Variants in BRD4 observed in about 807,000 individuals in gnomAD.
The protein encoded by BRD4 is bromodomain containing 4.
A neutral mutation model predicts 142.1 loss-of-function variants in BRD4; 16 were observed. That is an observed-to-expected ratio of 0.11 (90% CI 0.08 to 0.17). The LOEUF (loss-of-function observed/expected upper bound fraction) is 0.17, where lower values mean the gene tolerates loss of function less well. Ranked by LOEUF, BRD4 falls within the 10% of genes least tolerant of loss-of-function variation. The probability of loss-of-function intolerance (pLI) is 1.00; values close to 1 mark genes in which losing one functional copy is unlikely to be tolerated. For synonymous variants in BRD4, 833 were observed against 707.5 expected (o/e 1.18, Z -2.82); for missense variants, 1,424 against 1,810.9 (o/e 0.79, Z 3.88).
Position 15,238,481 on chromosome 19 carries a change from A to T in BRD4, c.4021-36T>A. 2.5e-6 allele frequency: 4 copies of T among 1,613,316 alleles called. No homozygotes were observed. The highest frequency in any genetic ancestry group is 3.4e-6 in the Non-Finnish European group (4 of 1,179,764). On this transcript the variant is annotated intron_variant, in intron 19 of 19. Transcript: ENST00000679869. The surrounding 1 kb of genome is among the most constrained non-coding windows in gnomAD (Gnocchi z 7.2). ...AAGGAAGGAGGGAGTCAGGAGGATG[A>T]CCTAGCCACCCTGCAGCTACAAGCC... is the stretch of plus-strand genomic sequence containing the variant.
chr19:15,303,546 T>C (rs1407074786), intron 1 of BRD4, among the ~76,000 whole-genome samples: 1 of 152,132 alleles, frequency 6.6e-6, no homozygotes, highest in Non-Finnish European at 1.5e-5. Flanking sequence ...GAGATCATCT[T>C]ATCAAAAGGA....
chr19:15,256,926 A>T (rs2047415446), intron 8 of BRD4, 38 bp downstream of exon 8: 28 of 1,514,424 alleles, frequency 1.8e-5, no homozygotes, highest in Non-Finnish European at 2.5e-5. Context: ...TGGTCCACGG[A>T]CTCTGGGGAT....
intron 1 of BRD4, among the ~76,000 whole-genome samples, chr19:15,298,689 C>T (rs1599500936): frequency 1.4e-5 from 2 of 147,242 alleles, no homozygotes; most frequent in South Asian, 4.3e-4. Context: ...TCTCTCCTCA[C>T]CCCACCCTGA....
chr19:15,270,175 G>A (rs976806379), intron 2 of BRD4, among the ~76,000 whole-genome samples: 1 of 152,244 alleles, frequency 6.6e-6, no homozygotes, highest in Non-Finnish European at 1.5e-5. Context: ...AGAGGCTGTT[G>A]CAGGGAGAAG....
intron 11 of BRD4, among the ~76,000 whole-genome samples, chr19:15,249,935 AAAAG>A (rs1283645968): frequency 6.6e-6 from 1 of 152,206 alleles, no homozygotes; most frequent in African/African-American, 2.4e-5. Flanking sequence ...GAGGAGAAAA[AAAAG>A]AAAAAGAAAC....
intron 1 of BRD4, among the ~76,000 whole-genome samples, chr19:15,315,708 C>A (rs1232923522): frequency 6.6e-6 from 1 of 151,774 alleles, no homozygotes; most frequent in Non-Finnish European, 1.5e-5. Context: ...ACAAAAAAAC[C>A]AGCCGGGCGT....
At chr19:15,255,181 T>A (rs538177577) in intron 10 of BRD4, 116 bp downstream of exon 10, 1 of 1,044,260 alleles carries the variant, frequency 9.6e-7, no homozygotes, top group Non-Finnish European at 1.4e-6. Context: ...ACACAGATAT[T>A]ATAATTGGAA....
At chr19:15,280,568 G>C (rs972008604) in intron 1 of BRD4, 7 of 529,102 alleles carry the variant, frequency 1.3e-5, no homozygotes, top group African/African-American at 2.1e-5. Flanking sequence ...CTGTGCTGAA[G>C]TCATGAGGTG....
intron 1 of BRD4, among the ~76,000 whole-genome samples, chr19:15,285,256 G>A (rs751589514): frequency 6.6e-5 from 10 of 152,200 alleles, no homozygotes; most frequent in Non-Finnish European, 1.0e-4. Context: ...CCAGGGCAGC[G>A]ACTATCACAC....
intron 11 of BRD4, among the ~76,000 whole-genome samples, chr19:15,246,346 G>T (rs2047286107): frequency 6.6e-6 from 1 of 152,114 alleles, no homozygotes; most frequent in South Asian, 2.1e-4. Flanking sequence ...GCACACTAGG[G>T]AACTGGGAAG....
rs1213718784 is a variant in BRD4, at chr19:15,244,287, G to A, written c.2525C>T (p.Pro842Leu). ...ATGGGGTGGAGTGCTGTGCTCAGGC[G>A]GCTGGGGCAGGTGAGGGGGCAGCTC... The part of the protein sequence containing the change: ...QPELPPHLPQ[P>L]PEHSTPPHLN... The change falls in exon 13 of 20, where the codon CCG (proline) becomes CTG (leucine). Residue 842 changes from proline (P) to leucine (L), a missense_variant. Physicochemically the swap from Pro to Leu is moderately conservative, Grantham distance 98 (BLOSUM62 -3). This residue lies in a region of BRD4 where 598 missense variants were observed against 647.8 expected (regional missense o/e 0.92). Transcript: ENST00000679869. The A allele has an allele frequency of 5.0e-6, 8 of 1,593,126 alleles. No individual in the cohort carries two copies. Among genetic ancestry groups the A allele is most frequent in the Admixed American group, 1.8e-5 (1 of 56,372 alleles).
At chr19:15,320,126 C>T (rs1384496040) in intron 1 of BRD4, among the ~76,000 whole-genome samples, 1 of 152,156 alleles carries the variant, frequency 6.6e-6, no homozygotes, top group African/African-American at 2.4e-5. Flanking sequence ...GACCTCCAGC[C>T]TCCTCTTAAG....
intron 4 of BRD4, 64 bp from the exon 5 acceptor site, chr19:15,265,707 G>A (rs990134122): frequency 1.1e-5 from 17 of 1,539,240 alleles, no homozygotes; most frequent in African/African-American, 8.2e-5. Flanking sequence ...GGCTGACCTC[G>A]TGGGGACATA....
chr19:15,250,112 G>A (rs1599442171), intron 11 of BRD4, among the ~76,000 whole-genome samples: 1 of 152,244 alleles, frequency 6.6e-6, no homozygotes, highest in East Asian at 1.9e-4. Flanking sequence ...TGGCCCCTGA[G>A]TGCGGGCATG....
chr19:15,253,744 G>C (rs1310565390), intron 11 of BRD4: 1 of 1,598,448 alleles, frequency 6.3e-7, no homozygotes, highest in Non-Finnish European at 8.5e-7. Flanking sequence ...GTGATACGGG[G>C]AAGGCCCTGG....
intron 1 of BRD4, among the ~76,000 whole-genome samples, chr19:15,314,173 T>A (rs2145717737): frequency 6.6e-6 from 1 of 152,262 alleles, no homozygotes; most frequent in Non-Finnish European, 1.5e-5. Flanking sequence ...AAATATAATG[T>A]GCCAAAATGA....
At chr19:15,250,771 T>C (rs1474140887) in intron 11 of BRD4, among the ~76,000 whole-genome samples, 3 of 152,288 alleles carry the variant, frequency 2.0e-5, no homozygotes, top group Admixed American at 6.5e-5. Context: ...ATGTGACAAG[T>C]GAAAGCTAGA....
At chr19:15,292,777 C>CAAAAAAGAAAAAAA (rs2047792470) in intron 1 of BRD4, among the ~76,000 whole-genome samples, 1 of 57,256 alleles carries the variant, frequency 1.7e-5, no homozygotes. Flanking sequence ...GACTCCGTCT[C>CAAAAAAGAAAAAAA]AAAAAAAAAA....
chr19:15,305,080 G>A (rs1009976416), intron 1 of BRD4, among the ~76,000 whole-genome samples: 3 of 144,666 alleles, frequency 2.1e-5, no homozygotes, highest in African/African-American at 5.2e-5. Context: ...GTGCAATGGC[G>A]CGATCTCAGC....
Sources: allele counts gnomAD v4.1 joint callset (sites outside exome capture counted in the v4.1 genomes callset), GRCh38; gene constraint gnomAD v4.1.1; regional missense constraint gnomAD v4.1.1; non-coding constraint Gnocchi (gnomAD v3.1); transcripts MANE v1.5; gene names NCBI Gene and HGNC (gene_info 2026-07-23, HGNC 2026-07-21).